The following ADAM23 variants were observed in gnomAD, a reference collection of about 807,000 sequenced individuals.
The protein encoded by ADAM23 is disintegrin and metalloproteinase domain-containing protein 23.
ADAM23 carries 33 observed loss-of-function variants against 120.1 expected under a neutral mutation model. The observed-to-expected ratio is 0.27, with a 90% confidence interval of 0.21 to 0.37. ADAM23 has a LOEUF of 0.37. Among genes scored for constraint, ADAM23 ranks in the 10% least tolerant of loss-of-function variants. The pLI is 1.00. For synonymous variants in ADAM23, 367 were observed against 375.2 expected, an observed-to-expected ratio of 0.98 and a Z score of 0.25; for missense variants, 862 against 1,058.2, an observed-to-expected ratio of 0.81 and a Z score of 2.57.
chr2:206,530,621 G>GAA (rs5838028), intron 3 of ADAM23, among the ~76,000 whole-genome samples: 1 of 98,542 alleles, frequency 1.0e-5, no homozygotes, highest in Admixed American at 1.3e-4. Context: ...GTCTCAAAAA[G>GAA]AAAAAAAAAA....
chr2:206,594,606 G>T (rs1040229524), intron 22 of ADAM23, 131 bp from the exon 23 acceptor site: 2 of 931,048 alleles, frequency 2.1e-6, no homozygotes, highest in Non-Finnish European at 3.2e-6. Context: ...AGAAGAAGAG[G>T]AGTAAGAAAA....
At chr2:206,574,458 T>C (rs1450163220) in intron 18 of ADAM23, among the ~76,000 whole-genome samples, 2 of 151,598 alleles carry the variant, frequency 1.3e-5, no homozygotes, top group African/African-American at 4.8e-5. Context: ...TAATTTCTCC[T>C]TCATAATTAG....
chr2:206,573,905 T>C (rs1185705218), intron 18 of ADAM23, among the ~76,000 whole-genome samples: 2 of 152,114 alleles, frequency 1.3e-5, no homozygotes, highest in Non-Finnish European at 2.9e-5. Context: ...GGATGGCTTT[T>C]TAAAATGTTT....
chr2:206,582,982 A>T (rs2105841401), intron 18 of ADAM23, among the ~76,000 whole-genome samples: 1 of 152,268 alleles, frequency 6.6e-6, no homozygotes, highest in Middle Eastern at 3.4e-3. Flanking sequence ...ACAGCTCTAA[A>T]GATTCTTTCC....
At chr2:206,470,531 A>G (rs1695635026) in intron 2 of ADAM23, among the ~76,000 whole-genome samples, 1 of 152,152 alleles carries the variant, frequency 6.6e-6, no homozygotes, top group Non-Finnish European at 1.5e-5. Flanking sequence ...GCTTTTCTAC[A>G]TCTAGCTTTG....
chr2:206,525,303 G>A (rs963581995), intron 3 of ADAM23, among the ~76,000 whole-genome samples: 11 of 152,254 alleles, frequency 7.2e-5, no homozygotes, highest in Admixed American at 6.5e-4. Flanking sequence ...AATAAACTGA[G>A]TGCTTAATAC....
At chr2:206,480,340 C>T (rs974285041) in intron 2 of ADAM23, among the ~76,000 whole-genome samples, 5 of 152,040 alleles carry the variant, frequency 3.3e-5, no homozygotes, top group Non-Finnish European at 7.4e-5. Flanking sequence ...TGTCCAGTTA[C>T]CATGCATGAA....
At chr2:206,480,823 T>C (rs1395604226) in intron 2 of ADAM23, among the ~76,000 whole-genome samples, 2 of 152,232 alleles carry the variant, frequency 1.3e-5, no homozygotes, top group Non-Finnish European at 2.9e-5. Flanking sequence ...TTCTAATTCC[T>C]GCTGAAGAGC....
intron 4 of ADAM23, among the ~76,000 whole-genome samples, chr2:206,531,386 A>T (rs1052161895): frequency 6.6e-6 from 1 of 152,224 alleles, no homozygotes; most frequent in Admixed American, 6.5e-5. Flanking sequence ...TCTAACCTTC[A>T]TAACAATTCT....
intron 3 of ADAM23, 37 bp downstream of exon 3, chr2:206,481,345 G>T (rs1219947507): frequency 6.8e-7 from 1 of 1,465,548 alleles, no homozygotes. Flanking sequence ...AGAAGCAGGT[G>T]CAATAAAGCT....
intron 9 of ADAM23, among the ~76,000 whole-genome samples, chr2:206,552,903 A>G (rs996836049): frequency 6.6e-6 from 1 of 151,920 alleles, no homozygotes; most frequent in East Asian, 1.9e-4. Context: ...CCTGGACTCA[A>G]GTGATCTGTC....
At chr2:206,456,091 A>G (rs1695293643) in intron 2 of ADAM23, among the ~76,000 whole-genome samples, 1 of 152,204 alleles carries the variant, frequency 6.6e-6, no homozygotes. Flanking sequence ...ATAAAGAACT[A>G]CCTGAGACTA....
At chr2:206,448,959 C>G (rs1006358820) in intron 2 of ADAM23, among the ~76,000 whole-genome samples, 2 of 152,196 alleles carry the variant, frequency 1.3e-5, no homozygotes, top group South Asian at 2.1e-4. Context: ...GCTGATCTGT[C>G]AGGAGCACAG....
chr2:206,520,655 C>T (rs1284803474), intron 3 of ADAM23, among the ~76,000 whole-genome samples: 1 of 152,092 alleles, frequency 6.6e-6, no homozygotes, highest in East Asian at 1.9e-4. Context: ...TTGCCGTTCT[C>T]TCCTGCTGCT....
intron 4 of ADAM23, among the ~76,000 whole-genome samples, chr2:206,536,310 C>T (rs1697174710): frequency 6.6e-6 from 1 of 151,952 alleles, no homozygotes; most frequent in Non-Finnish European, 1.5e-5. Context: ...CTAAAAAAGT[C>T]GAATATGTAT....
intron 12 of ADAM23, among the ~76,000 whole-genome samples, chr2:206,561,648 T>C (rs1370243549): frequency 3.9e-5 from 6 of 152,194 alleles, no homozygotes; most frequent in African/African-American, 9.7e-5. Context: ...CCTACCTATC[T>C]GTAGAATGAA....
intron 17 of ADAM23, 147 bp downstream of exon 17, chr2:206,571,963 C>A: frequency 1.6e-6 from 1 of 628,158 alleles, no homozygotes; most frequent in Non-Finnish European, 2.7e-6. Flanking sequence ...ATCGATAAAT[C>A]TCAAATTCTG....
At chr2:206,609,476 G>A (rs1698788859) in intron 24 of ADAM23, among the ~76,000 whole-genome samples, 1 of 152,164 alleles carries the variant, frequency 6.6e-6, no homozygotes, top group Non-Finnish European at 1.5e-5. Context: ...GGTGCTTTTT[G>A]GAAGGGCATT....
At chr2:206,505,121 T>G (rs999508165) in intron 3 of ADAM23, among the ~76,000 whole-genome samples, 3 of 152,140 alleles carry the variant, frequency 2.0e-5, no homozygotes, top group African/African-American at 7.2e-5. Context: ...TATAGAATTT[T>G]CCAGGAGGTA....
Sources: allele counts gnomAD v4.1 joint callset (sites outside exome capture counted in the v4.1 genomes callset), GRCh38; gene constraint gnomAD v4.1.1; transcripts MANE v1.5; gene names NCBI Gene and HGNC (gene_info 2026-07-23, HGNC 2026-07-21).